Variants in MAPK10 observed in about 807,000 individuals in gnomAD.
MAPK10 encodes JNK3 alpha protein kinase.
A neutral mutation model predicts 59.3 loss-of-function variants in MAPK10; 25 were observed. That is an observed-to-expected ratio of 0.42 (90% CI 0.31 to 0.59). The LOEUF is 0.59. Among genes scored for constraint, MAPK10 ranks in the 20% least tolerant of loss-of-function variants. MAPK10 has a pLI of 0.15. For missense variants in MAPK10, 351 were observed against 568.9 expected (o/e 0.62, Z 3.90); for synonymous variants, 190 against 200.5 (o/e 0.95, Z 0.44).
intron 11 of MAPK10, among the ~76,000 whole-genome samples, chr4:86,052,477 T>C (rs1294874954): frequency 6.6e-6 from 1 of 152,090 alleles, no homozygotes; most frequent in East Asian, 1.9e-4. Flanking sequence ...TAATTATTGA[T>C]AGAAAATTTT....
At chr4:86,465,505 T>C (rs1373106566) in intron 1 of MAPK10, among the ~76,000 whole-genome samples, 5 of 152,242 alleles carry the variant, frequency 3.3e-5, no homozygotes, top group African/African-American at 4.8e-5. Flanking sequence ...CTAGCATTAA[T>C]AATTTTAAAT....
At position 86,175,758 on chromosome 4, in the gene MAPK10, G is replaced by C. The variant is rs1305206703; in HGVS notation, c.67-16291C>G. On this transcript the variant is annotated intron_variant, in intron 3 of 13. Coordinates refer to ENST00000641462, the MANE Select transcript of MAPK10 (RefSeq NM_138982.4). ...ATCTCTATTATTTATAAATTACCTAGCCTCAGGTACATATTTAAAGCAATG... is the reference window on the plus strand; with the variant it reads ...ATCTCTATTATTTATAAATTACCTACCCTCAGGTACATATTTAAAGCAATG... Among the ~76,000 whole-genome samples the C allele has an allele frequency of 2.0e-5, 3 of 152,222 alleles. No individual in the cohort carries two copies. In the East Asian group the frequency reaches 5.8e-4, roughly 29 times the overall value.
chr4:86,044,847 A>G (rs771666260), intron 11 of MAPK10: 2 of 396,922 alleles, frequency 5.0e-6, no homozygotes, highest in Non-Finnish European at 8.9e-6. Flanking sequence ...GTTTGCAATG[A>G]AAGATTTTCA....
At chr4:86,176,129 C>T (rs1029118469) in intron 3 of MAPK10, 1 of 152,090 alleles carries the variant, frequency 6.6e-6, no homozygotes, top group Non-Finnish European at 1.5e-5. Flanking sequence ...CAAATAATAA[C>T]TGTGCAGATA....
chr4:86,407,651 T>C (rs1208662431), intron 1 of MAPK10, among the ~76,000 whole-genome samples: 1 of 146,094 alleles, frequency 6.8e-6, no homozygotes, highest in Non-Finnish European at 1.5e-5. Flanking sequence ...TAGTAGGCAC[T>C]CAATGTTTAT....
chr4:86,109,206 A>G (rs1338707607), intron 4 of MAPK10, among the ~76,000 whole-genome samples: 1 of 152,122 alleles, frequency 6.6e-6, no homozygotes, highest in Non-Finnish European at 1.5e-5. Context: ...ATTCCACACT[A>G]TTCTTTTTCA....
intron 1 of MAPK10, among the ~76,000 whole-genome samples, chr4:86,537,106 G>A (rs922289041): frequency 5.3e-5 from 8 of 152,192 alleles, no homozygotes; most frequent in African/African-American, 1.2e-4. Flanking sequence ...ACACAATGGC[G>A]TCCAACAACA....
intron 1 of MAPK10, among the ~76,000 whole-genome samples, chr4:86,436,318 T>C (rs1032423454): frequency 6.6e-6 from 1 of 152,206 alleles, no homozygotes; most frequent in Non-Finnish European, 1.5e-5. Flanking sequence ...TTTTTATTGA[T>C]TTTCCAATCG....
intron 7 of MAPK10, 167 bp from the exon 8 acceptor site, chr4:86,101,384 G>T: frequency 1.9e-6 from 1 of 523,164 alleles, no homozygotes; most frequent in Admixed American, 3.2e-5. Flanking sequence ...TTAACTATTA[G>T]TTTTTGGAAA....
chr4:86,439,280 C>T (rs1749142208), intron 1 of MAPK10, among the ~76,000 whole-genome samples: 2 of 152,150 alleles, frequency 1.3e-5, no homozygotes, highest in African/African-American at 4.8e-5. Flanking sequence ...CCTCTCACCC[C>T]ATCTCCAGCC....
At chr4:86,509,025 T>C (rs2149082745) in intron 1 of MAPK10, among the ~76,000 whole-genome samples, 1 of 152,236 alleles carries the variant, frequency 6.6e-6, no homozygotes, top group South Asian at 2.1e-4. Context: ...ACATGTAGAG[T>C]CTTTTTAGTT....
Position 86,101,185 on chromosome 4 carries a change from A to G in MAPK10, c.597T>C (p.Ser199=), listed in dbSNP as rs750053106. The change falls in exon 8 of 14, where the codon TCT becomes TCC. Residue 199 remains serine, a synonymous_variant. Transcript: ENST00000641462. ...DLKPSNIVVK[S]DCTLKILDFG... ...AGTCCAGGATTTTCAATGTGCAATC[A>G]GACTTGACTACAATGTTACTTGGTT... 1.2e-6 allele frequency: 2 copies of G among 1,613,968 alleles called. No individual in the cohort carries two copies. Among genetic ancestry groups the G allele is most frequent in the Non-Finnish European group, 1.7e-6 (2 of 1,179,904 alleles).
intron 2 of MAPK10, among the ~76,000 whole-genome samples, chr4:86,341,073 A>T (rs1379510921): frequency 6.6e-6 from 1 of 152,220 alleles, no homozygotes; most frequent in Non-Finnish European, 1.5e-5. Flanking sequence ...CTGAGTATTC[A>T]TTCTATGTAA....
intron 2 of MAPK10, among the ~76,000 whole-genome samples, chr4:86,201,134 A>G (rs977982484): frequency 3.3e-5 from 5 of 151,796 alleles, no homozygotes; most frequent in Admixed American, 2.0e-4. Flanking sequence ...CCCTTCACAT[A>G]ACGTCCTCCA....
intron 1 of MAPK10, among the ~76,000 whole-genome samples, chr4:86,433,254 G>T (rs1748278125): frequency 6.6e-6 from 1 of 151,942 alleles, no homozygotes; most frequent in African/African-American, 2.4e-5. Flanking sequence ...CCTTTCTTTT[G>T]GTAATTGCCC....
chr4:86,130,553 A>G (rs1421812166), intron 4 of MAPK10, among the ~76,000 whole-genome samples: 2 of 152,188 alleles, frequency 1.3e-5, no homozygotes, highest in Non-Finnish European at 2.9e-5. Context: ...ACCAAATGAA[A>G]TGTGGTCTAA....
intron 4 of MAPK10, among the ~76,000 whole-genome samples, chr4:86,155,473 A>G (rs2067492896): frequency 6.6e-6 from 1 of 151,912 alleles, no homozygotes; most frequent in Non-Finnish European, 1.5e-5. Context: ...GTATATTGGT[A>G]TTACATATTC....
At chr4:86,202,514 T>A (rs2082866448) in intron 2 of MAPK10, among the ~76,000 whole-genome samples, 1 of 151,958 alleles carries the variant, frequency 6.6e-6, no homozygotes, top group East Asian at 1.9e-4. Flanking sequence ...AACCCAATTT[T>A]AAAAGTACAA....
intron 1 of MAPK10, among the ~76,000 whole-genome samples, chr4:86,562,627 C>T (rs1166154455): frequency 6.7e-6 from 1 of 148,392 alleles, no homozygotes. Flanking sequence ...TCTGGGAAGT[C>T]GAGGCTGCAG....
Sources: allele counts gnomAD v4.1 joint callset (sites outside exome capture counted in the v4.1 genomes callset), GRCh38; gene constraint gnomAD v4.1.1; transcripts MANE v1.5; gene names NCBI Gene and HGNC (gene_info 2026-07-23, HGNC 2026-07-21).